The following ATR variants were observed in gnomAD, a reference collection of about 807,000 sequenced individuals.
ATR encodes the protein ATR checkpoint kinase, also known as serine/threonine-protein kinase ATR.
In ATR, 142 loss-of-function variants were observed where a neutral mutation model predicts 305.3. The ratio of observed to expected loss-of-function variants is 0.47; its 90% confidence interval spans 0.41 to 0.53. The LOEUF is 0.53. Among genes scored for constraint, ATR ranks in the 20% least tolerant of loss-of-function variants. The pLI, the probability that ATR is intolerant of heterozygous loss-of-function variation, is 0.00. For missense variants in ATR, 2,135 were observed against 3,133.1 expected (o/e 0.68, Z 7.60); for synonymous variants, 1,050 against 1,068.1 (o/e 0.98, Z 0.33).
chr3:142,553,818 T>G lies in ATR; in HGVS notation c.2532+7A>C. The G allele has an allele frequency of 6.2e-7, 1 of 1,613,306 alleles. No individual in the cohort carries two copies. Among genetic ancestry groups the G allele is most frequent in the Non-Finnish European group, 8.5e-7 (1 of 1,179,504 alleles). On this transcript the variant is annotated splice_region_variant and intron_variant, in intron 11 of 46. Transcript: ENST00000350721. ...AAACTCAAATGTTAAAAACAAAAAT[T>G]ATCAACCTCCTTTATAAATCCATCT...
At chr3:142,513,713 A>C (rs2032710387) in intron 25 of ATR, 75 bp from the exon 26 acceptor site, 1 of 1,417,980 alleles carries the variant, frequency 7.1e-7, no homozygotes, top group Non-Finnish European at 9.8e-7. Context: ...CATGTGAGAT[A>C]ATTTATCACA....
rs752635785 is a variant in ATR at position 142,560,389 on chromosome 3, G to C, written c.1415C>G (p.Ser472Cys). 25 of 1,613,390 alleles carry C rather than the reference G, an allele frequency of 1.5e-5. No homozygotes were observed. The African/African-American group carries it at 3.1e-4, about 20-fold the overall frequency. ...LWSALKQKAE[S>C]LQISLEYSGL... Reference sequence around the variant, plus strand: ...ACTGTATTCAAGGGAAATCTGAAGGGATTCAGCTTTCTGTTTCAGTGCACT... The same window carrying C: ...ACTGTATTCAAGGGAAATCTGAAGGCATTCAGCTTTCTGTTTCAGTGCACT... The change falls in exon 6 of 47, where the codon TCC becomes TGC. Residue 472 changes from serine to cysteine, a missense_variant. Coordinates refer to ENST00000350721, the MANE Select transcript of ATR (RefSeq NM_001184.4).
intron 21 of ATR, among the ~76,000 whole-genome samples, chr3:142,534,687 T>G (rs1381528476): frequency 2.6e-5 from 4 of 152,176 alleles, no homozygotes; most frequent in Non-Finnish European, 4.4e-5. Context: ...AGATTTAGCT[T>G]CATTAAAACT....
chr3:142,452,891 G>T, intron 46 of ATR: 1 of 1,360,196 alleles, frequency 7.4e-7, no homozygotes, highest in Non-Finnish European at 9.5e-7. Context: ...ATTGTCTATG[G>T]TTAAACAAGT....
At chr3:142,516,646 G>A (rs1009342955) in intron 24 of ATR, among the ~76,000 whole-genome samples, 1 of 152,046 alleles carries the variant, frequency 6.6e-6, no homozygotes, top group Admixed American at 6.6e-5. Context: ...AATGAAATCT[G>A]TAAACTTAGC....
intron 46 of ATR, chr3:142,451,671 C>T (rs2070793249): frequency 1.7e-6 from 2 of 1,207,490 alleles, no homozygotes; most frequent in Non-Finnish European, 2.1e-6. Flanking sequence ...CCTCCAACTC[C>T]TGGGGTCAAG....
At chr3:142,479,366 T>A (rs1327191264) in intron 36 of ATR, among the ~76,000 whole-genome samples, 1 of 152,190 alleles carries the variant, frequency 6.6e-6, no homozygotes, top group East Asian at 1.9e-4. Flanking sequence ...TGGCTGGATA[T>A]GAAATTCTGG....
intron 32 of ATR, among the ~76,000 whole-genome samples, chr3:142,497,792 G>C (rs1470187031): frequency 6.6e-6 from 1 of 152,006 alleles, no homozygotes; most frequent in African/African-American, 2.4e-5. Flanking sequence ...ATATATTGCT[G>C]GTGCTACTAT....
chr3:142,542,370 T>C (rs1173405866), intron 17 of ATR, among the ~76,000 whole-genome samples: 1 of 152,206 alleles, frequency 6.6e-6, no homozygotes, highest in Non-Finnish European at 1.5e-5. Context: ...CTGAGAACTT[T>C]TTTGAGTCCA....
intron 30 of ATR, among the ~76,000 whole-genome samples, chr3:142,501,136 G>A (rs753272454): frequency 2.6e-5 from 4 of 152,122 alleles, no homozygotes; most frequent in Non-Finnish European, 5.9e-5. Flanking sequence ...GCTTCACCAT[G>A]ACACAGCACC....
At chr3:142,485,923 T>C (rs1244906260) in intron 35 of ATR, among the ~76,000 whole-genome samples, 1 of 152,172 alleles carries the variant, frequency 6.6e-6, no homozygotes, top group Non-Finnish European at 1.5e-5. Flanking sequence ...CAAGAGATAT[T>C]TTACAACTCT....
chr3:142,472,453 T>C (rs1003746779), intron 36 of ATR: 11 of 152,190 alleles, frequency 7.2e-5, no homozygotes, highest in South Asian at 2.1e-4. Flanking sequence ...TTTTATATGA[T>C]AGCCATTCAA....
At chr3:142,571,627 A>C (rs910478370) in intron 1 of ATR, among the ~76,000 whole-genome samples, 1 of 152,172 alleles carries the variant, frequency 6.6e-6, no homozygotes, top group Admixed American at 6.5e-5. Context: ...AAAACAACTT[A>C]GGGTGTAGTA....
intron 8 of ATR, among the ~76,000 whole-genome samples, chr3:142,557,376 G>A (rs1351320715): frequency 2.0e-5 from 3 of 152,226 alleles, no homozygotes. Flanking sequence ...TCCACCAATA[G>A]GAGGTCTGAT....
Position 142,524,291 on chromosome 3 carries a change from C to G in ATR, c.3946-92G>C, listed in dbSNP as rs949492634. On this transcript the variant is annotated intron_variant, in intron 21 of 46. Transcript: ENST00000350721. ...GAAGCTTAAAAATATTAAGGAATAT[C>G]TAACATAAATATTGACAAAATTAAA... 3.3e-6 allele frequency: 4 copies of G among 1,218,448 alleles called. No individual in the cohort carries two copies. The African/African-American group carries it at 4.6e-5, about 14-fold the overall frequency. The allele number at this position is 1,218,448 out of a possible 1,614,324, so 75.5% of individuals were successfully genotyped here.
intron 27 of ATR, among the ~76,000 whole-genome samples, chr3:142,510,812 A>C (rs1021037055): frequency 1.2e-4 from 18 of 152,196 alleles, no homozygotes; most frequent in African/African-American, 4.1e-4. Context: ...AATGGAAAAA[A>C]AAAAAAGGTT....
chr3:142,506,347 T>C (rs1311675750), intron 28 of ATR, among the ~76,000 whole-genome samples: 1 of 152,080 alleles, frequency 6.6e-6, no homozygotes, highest in Non-Finnish European at 1.5e-5. Context: ...ATCTTGAAAT[T>C]GAGAACACAA....
At chr3:142,514,299 C>T (rs1036749280) in intron 25 of ATR, among the ~76,000 whole-genome samples, 2 of 150,544 alleles carry the variant, frequency 1.3e-5, no homozygotes, top group Admixed American at 6.6e-5. Context: ...TTACTAACTA[C>T]GAATTAGTAT....
At chr3:142,512,527 T>C in intron 26 of ATR, 57 bp from the exon 27 acceptor site, 10 of 1,375,970 alleles carry the variant, frequency 7.3e-6, no homozygotes, top group South Asian at 3.0e-5. Flanking sequence ...TTAACTATTA[T>C]ATGACATCTA....
Sources: allele counts gnomAD v4.1 joint callset (sites outside exome capture counted in the v4.1 genomes callset), GRCh38; gene constraint gnomAD v4.1.1; transcripts MANE v1.5; gene names NCBI Gene and HGNC (gene_info 2026-07-23, HGNC 2026-07-21).